Variants in TEKT5 observed in about 807,000 individuals in gnomAD.
The protein encoded by TEKT5 is tektin 5, also known as tektin-5.
TEKT5 carries 52 observed loss-of-function variants against 48.7 expected under a neutral mutation model. That is an observed-to-expected ratio of 1.07 (90% confidence interval 0.86 to 1.35). TEKT5 has a LOEUF of 1.35. TEKT5 is among the 40% of genes most tolerant of loss of function. The pLI, the probability that TEKT5 is intolerant of heterozygous loss-of-function variation, is 0.00. For synonymous variants in TEKT5, 318 were observed against 267.6 expected (o/e 1.19, Z -1.84); for missense variants, 831 against 641.6 (o/e 1.30, Z -3.19).
intron 4 of TEKT5, among the ~76,000 whole-genome samples, chr16:10,678,687 T>C (rs1211913400): frequency 6.6e-6 from 1 of 152,168 alleles, no homozygotes; most frequent in Non-Finnish European, 1.5e-5. Context: ...GAGAGAAACA[T>C]GCAGATTTAC....
chr16:10,640,127 C>T (rs9933558), intron 5 of TEKT5, among the ~76,000 whole-genome samples: 155 of 131,204 alleles, frequency 1.2e-3, no homozygotes, highest in East Asian at 3.4e-3. Context: ...CTCCTCCCCC[C>T]TTCCTCCTCC....
At chr16:10,690,770 G>A (rs1452409826) in intron 1 of TEKT5, 1 of 985,292 alleles carries the variant, frequency 1.0e-6, no homozygotes, top group Non-Finnish European at 1.2e-6. Flanking sequence ...TCTATGATGG[G>A]AAGCTGACAA....
rs116732813 is a variant in TEKT5 at position 10,667,716 on chromosome 16, T to C, written c.1086+8243A>G. ...ATATTTCCCATATCCACATACCATC[T>C]ACATAATCATTTAATATTTTTCTTC... On this transcript the variant is annotated intron_variant, in intron 5 of 6. Coordinates refer to ENST00000283025, the MANE Select transcript of TEKT5 (RefSeq NM_144674.2). Among the ~76,000 whole-genome samples the C allele has an allele frequency of 2.3e-3, 351 of 152,322 alleles. 1 individual carries two copies. Among genetic ancestry groups the C allele is most frequent in the African/African-American group, 8.0e-3 (332 of 41,566 alleles).
intron 1 of TEKT5, among the ~76,000 whole-genome samples, chr16:10,693,487 A>G (rs1899017682): frequency 6.6e-6 from 1 of 152,262 alleles, no homozygotes; most frequent in Non-Finnish European, 1.5e-5. Flanking sequence ...CATTCAAAAC[A>G]TTAGTGTAAA....
At chr16:10,667,768 T>C (rs1898482478) in intron 5 of TEKT5, among the ~76,000 whole-genome samples, 1 of 152,188 alleles carries the variant, frequency 6.6e-6, no homozygotes. Context: ...GGCTTTAACA[T>C]ATGTATTTGA....
chr16:10,694,292 CCCCACCCCTGTA>C lies in TEKT5; in HGVS notation c.564+6_564+17del. ...CCCCAGGACACAGCCACAGCCCTGTCCCCACCCCTGTACTCACCTGCAATGGGCAGTTCACCT... is the reference window on the plus strand; with the variant it reads ...CCCCAGGACACAGCCACAGCCCTGTCCTCACCTGCAATGGGCAGTTCACCT... On this transcript the variant is annotated splice_donor_region_variant and intron_variant, in intron 1 of 6. Transcript: ENST00000283025. 6.4e-7 allele frequency: 1 copy of C among 1,555,414 alleles called. No homozygotes were observed. The highest frequency in any genetic ancestry group is 1.2e-5 in the South Asian group (1 of 81,674).
chr16:10,672,775 A>T lies in TEKT5; in HGVS notation c.1086+3184T>A, dbSNP rs78109973. On this transcript the variant is annotated intron_variant, in intron 5 of 6. Coordinates refer to ENST00000283025, the MANE Select transcript of TEKT5 (RefSeq NM_144674.2). ...AGCCACTAGCACAAACATGGTGCCT[A>T]CTATGTGCCCGCACTCCTTCAGGTG... is the stretch of plus-strand genomic sequence containing the variant. 3.3e-5 allele frequency among the ~76,000 whole-genome samples: 5 copies of T among 152,270 alleles called. No homozygotes were observed. The East Asian group carries it at 9.6e-4, about 29-fold the overall frequency.
intron 5 of TEKT5, among the ~76,000 whole-genome samples, chr16:10,660,661 C>CTGTGTGTG (rs4028826): frequency 0.012 from 1,758 of 144,342 alleles, 47 homozygotes; most frequent in African/African-American, 0.043. Context: ...GAGTGCAAGG[C>CTGTGTGTG]TGTGTGTGTG....
intron 5 of TEKT5, among the ~76,000 whole-genome samples, chr16:10,660,966 G>C (rs1275447608): frequency 6.6e-6 from 1 of 152,122 alleles, no homozygotes; most frequent in Non-Finnish European, 1.5e-5. Context: ...CTCCCAAAGT[G>C]TTGGGATACA....
At chr16:10,673,193 C>A (rs1433261932) in intron 5 of TEKT5, among the ~76,000 whole-genome samples, 1 of 152,090 alleles carries the variant, frequency 6.6e-6, no homozygotes, top group Non-Finnish European at 1.5e-5. Context: ...GCAAATAAAC[C>A]GTGGAGTTTA....
rs1435741949 is a variant in TEKT5 at position 10,627,742 on chromosome 16, C to G, written c.1299G>C (p.Leu433=). ...DDTLQTLKLR[L]RETQDTLQLL... The stretch of plus-strand genomic sequence containing the variant: ...GCTGCAGCGTGTCCTGTGTCTCCCG[C>G]AGCCGCAGCTTGAGGGTCTGCAGGG... Residue 433 remains leucine, a synonymous_variant, in exon 7 of 7, where the codon CTG becomes CTC. Transcript: ENST00000283025. 1.2e-6 allele frequency: 2 copies of G among 1,614,268 alleles called. No homozygotes were observed. Among genetic ancestry groups the G allele is most frequent in the Non-Finnish European group, 1.7e-6 (2 of 1,180,050 alleles).
Position 10,629,060 on chromosome 16 carries a change from G to A in TEKT5, c.1242-1261C>T, listed in dbSNP as rs576897032. ...ATGTCCAGAAGAGGCAAAGCCATAC[G>A]GACAGAAAGTTAACTGGTGGCTTCC... On this transcript the variant is annotated intron_variant, in intron 6 of 6. Transcript: ENST00000283025. 5.3e-5 allele frequency among the ~76,000 whole-genome samples: 8 copies of A among 152,196 alleles called. No individual in the cohort carries two copies. The East Asian group carries it at 5.8e-4, about 11-fold the overall frequency.
chr16:10,655,495 A>G (rs1437310318), intron 5 of TEKT5, among the ~76,000 whole-genome samples: 1 of 152,208 alleles, frequency 6.6e-6, no homozygotes, highest in African/African-American at 2.4e-5. Flanking sequence ...ATGTATGTTT[A>G]TATGTTTGTG....
At chr16:10,652,451 A>AACACAC (rs572277672) in intron 5 of TEKT5, among the ~76,000 whole-genome samples, 1,457 of 66,702 alleles carry the variant, frequency 0.022, 45 homozygotes, top group African/African-American at 0.045. Flanking sequence ...TACACAGGCA[A>AACACAC]ACACACACAC....
chr16:10,677,218 A>AGGGAGGTAGCAGGAG (rs1259420406), intron 4 of TEKT5, among the ~76,000 whole-genome samples: 3 of 96,300 alleles, frequency 3.1e-5, no homozygotes, highest in African/African-American at 1.4e-4. Context: ...CAGGAGGATG[A>AGGGAGGTAGCAGGAG]AAGAGACAAA....
At chr16:10,674,511 C>T (rs1460561048) in intron 5 of TEKT5, among the ~76,000 whole-genome samples, 3 of 148,712 alleles carry the variant, frequency 2.0e-5, no homozygotes, top group African/African-American at 7.5e-5. Flanking sequence ...GGCACGCACA[C>T]GTAGTCTCAG....
rs544842118 is a variant in TEKT5 at position 10,644,050 on chromosome 16, A to C, written c.1087-8132T>G. Among the ~76,000 whole-genome samples, 6 of 152,276 alleles carry C rather than the reference A, an allele frequency of 3.9e-5. No homozygotes were observed. The East Asian group carries it at 1.2e-3, about 29-fold the overall frequency. The stretch of plus-strand genomic sequence containing the variant: ...AGAGCAAAACTCTGCCTCAAAAAAT[A>C]AATAAAATAACATAAAATCAATTTC... On this transcript the variant is annotated intron_variant, in intron 5 of 6. Transcript: ENST00000283025.
At chr16:10,682,758 T>C (rs1283414972) in intron 3 of TEKT5, among the ~76,000 whole-genome samples, 5 of 152,232 alleles carry the variant, frequency 3.3e-5, no homozygotes, top group South Asian at 4.1e-4. Flanking sequence ...GTCGCAGATA[T>C]GTAAAAATCC....
intron 6 of TEKT5, among the ~76,000 whole-genome samples, chr16:10,629,103 G>A (rs1049918111): frequency 5.9e-5 from 9 of 152,156 alleles, no homozygotes; most frequent in African/African-American, 1.9e-4. Flanking sequence ...AGGCGGTGGG[G>A]AGAATGTAGA....
Sources: allele counts gnomAD v4.1 joint callset (sites outside exome capture counted in the v4.1 genomes callset), GRCh38; gene constraint gnomAD v4.1.1; transcripts MANE v1.5; gene names NCBI Gene and HGNC (gene_info 2026-07-23, HGNC 2026-07-21).